AK8: variants seen among roughly 807,000 people sequenced by gnomAD.
AK8 encodes adenylate kinase 8, also known as ATP-AMP transphosphorylase 8.
Under a neutral mutation model 54.6 loss-of-function variants are expected in AK8, and 44 were observed. The observed-to-expected ratio is 0.81, with a 90% CI of 0.63 to 1.04. AK8 has a LOEUF of 1.04. AK8 is among the 50% of genes least tolerant of loss of function. The probability of loss-of-function intolerance (pLI) is 0.00; values close to 1 mark genes in which losing one functional copy is unlikely to be tolerated. For synonymous variants in AK8, 239 were observed against 245.6 expected, an observed-to-expected ratio of 0.97 and a Z score of 0.25; for missense variants, 555 against 613.6, an observed-to-expected ratio of 0.90 and a Z score of 1.01.
In AK8 at chr9:132,828,661, G is replaced by A. The variant is rs759380206; in HGVS notation, c.468C>T (p.Ile156=). ...EQALRIQTLG[I]TPRHVIVLSA... is the part of the protein sequence containing the mutation. ...GCTACTCACTGACGTGTCTGGGTGT[G>A]ATCCCCAGGGTCTGGATCCTCAGAG... The change falls in exon 6 of 13, where the codon ATC becomes ATT. Residue 156 remains isoleucine, a synonymous_variant. Coordinates refer to ENST00000298545, the MANE Select transcript of AK8 (RefSeq NM_152572.3). 6.2e-7 allele frequency: 1 copy of A among 1,612,232 alleles called. No homozygotes were observed. Among genetic ancestry groups the A allele is most frequent in the South Asian group, 1.1e-5 (1 of 90,402 alleles).
intron 10 of AK8, among the ~76,000 whole-genome samples, chr9:132,810,185 T>C (rs1001928720): frequency 8.5e-5 from 13 of 152,228 alleles, no homozygotes; most frequent in Non-Finnish European, 1.5e-4. Flanking sequence ...GGAGATATGA[T>C]ATTGGTTGTT....
chr9:132,758,966 G>A (rs1304479969), intron 11 of AK8, among the ~76,000 whole-genome samples: 3 of 152,030 alleles, frequency 2.0e-5, no homozygotes, highest in Non-Finnish European at 4.4e-5. Flanking sequence ...GGGAGGCTGA[G>A]GTGGGAGGAT....
intron 1 of AK8, among the ~76,000 whole-genome samples, chr9:132,875,849 A>G (rs1325783713): frequency 6.6e-6 from 1 of 152,242 alleles, no homozygotes; most frequent in Non-Finnish European, 1.5e-5. Flanking sequence ...TTGCTGGGGA[A>G]CATGACCGTC....
chr9:132,861,626 G>A (rs2131405676), intron 4 of AK8: 1 of 152,346 alleles, frequency 6.6e-6, no homozygotes, highest in African/African-American at 2.4e-5. Context: ...GGTTAACAGT[G>A]GCAACGTAAG....
At chr9:132,800,306 G>A (rs1029835423) in intron 10 of AK8, among the ~76,000 whole-genome samples, 4 of 152,292 alleles carry the variant, frequency 2.6e-5, no homozygotes, top group South Asian at 2.1e-4. Context: ...TGGTGATGCC[G>A]TTTGTTTGTT....
rs117865285 is a variant in AK8, at chr9:132,770,825, G to A, written c.1121+21809C>T. On this transcript the variant is annotated intron_variant, in intron 11 of 12. Coordinates refer to ENST00000298545, the MANE Select transcript of AK8 (RefSeq NM_152572.3). The surrounding 1 kb of genome is among the most constrained non-coding windows in gnomAD (Gnocchi z 4.3). ...CTCTGGAAGCAGCTGCTGAGTGCAC[G>A]GCAGACCCCCTGGCATGGGGTTACA... Among the ~76,000 whole-genome samples the A allele has an allele frequency of 2.6e-5, 4 of 152,282 alleles. No individual in the cohort carries two copies. The highest frequency in any genetic ancestry group is 1.9e-4 in the East Asian group (1 of 5,164).
chr9:132,867,693 G>T (rs1235173879), intron 2 of AK8, among the ~76,000 whole-genome samples: 4 of 152,242 alleles, frequency 2.6e-5, no homozygotes, highest in African/African-American at 7.2e-5. Flanking sequence ...TTCTGGGGTG[G>T]GAGCCAGGGC....
At chr9:132,878,877 C>T (rs1053269812), upstream of AK8, 7 of 698,648 alleles carry the variant, frequency 1.0e-5, no homozygotes, top group South Asian at 3.9e-4. This position sits in a 1 kb window ranked among gnomAD's most constrained non-coding sequence, Gnocchi z 4.7. Context: ...CGCCCCTTCT[C>T]GCCCGACGTC....
chr9:132,747,245 A>G (rs1590188643), intron 11 of AK8, among the ~76,000 whole-genome samples: 1 of 151,888 alleles, frequency 6.6e-6, no homozygotes. Context: ...GGTTCAAGCG[A>G]TTCTCCTGCC....
chr9:132,840,631 G>A (rs1364293315), intron 5 of AK8, among the ~76,000 whole-genome samples: 1 of 152,200 alleles, frequency 6.6e-6, no homozygotes, highest in Non-Finnish European at 1.5e-5. Flanking sequence ...AGTGGCTCAT[G>A]CCTGTAATCC....
chr9:132,862,189 C>T (rs1334497383), intron 4 of AK8, among the ~76,000 whole-genome samples: 2 of 152,194 alleles, frequency 1.3e-5, no homozygotes, highest in Non-Finnish European at 2.9e-5. Flanking sequence ...CCAACTCCTG[C>T]AAGACTGCAG....
intron 11 of AK8, among the ~76,000 whole-genome samples, chr9:132,746,979 A>G (rs1180243686): frequency 2.6e-5 from 4 of 152,266 alleles, no homozygotes; most frequent in Admixed American, 6.5e-5. Flanking sequence ...CAACTGCCTT[A>G]AATATTTTAC....
chr9:132,758,145 G>A (rs1229878809), intron 11 of AK8, among the ~76,000 whole-genome samples: 1 of 152,222 alleles, frequency 6.6e-6, no homozygotes, highest in Non-Finnish European at 1.5e-5. Flanking sequence ...AGAATTATGA[G>A]CTCTTGGGCA....
rs200936362 is a variant in AK8 at position 132,827,023 on chromosome 9, G to A, written c.588C>T (p.Pro196=). ...EIYHTTFDWP[P]ESEIQNRLMV... is the part of the protein sequence containing the mutation. Reference sequence around the variant, plus strand: ...TGAGACGGTTCTGGATTTCAGATTCGGGTGGCCAGTCAAAGGTGGTGTGAT... The same window carrying A: ...TGAGACGGTTCTGGATTTCAGATTCAGGTGGCCAGTCAAAGGTGGTGTGAT... Residue 196 remains proline, a synonymous_variant, in exon 8 of 13, where the codon CCC becomes CCT. Transcript: ENST00000298545. The A allele has an allele frequency of 3.4e-5, 55 of 1,614,214 alleles. No individual in the cohort carries two copies. In the Middle Eastern group the frequency reaches 8.3e-4, roughly 24 times the overall value.
At position 132,826,039 on chromosome 9, in the gene AK8, G is replaced by A. The variant is rs1046174261; in HGVS notation, c.757+815C>T. 1.3e-5 allele frequency among the ~76,000 whole-genome samples: 2 copies of A among 152,218 alleles called. No individual in the cohort carries two copies. Among genetic ancestry groups the A allele is most frequent in the Non-Finnish European group, 2.9e-5 (2 of 68,044 alleles). On this transcript the variant is annotated intron_variant, in intron 8 of 12. Transcript: ENST00000298545. The surrounding 1 kb of genome is among the most constrained non-coding windows in gnomAD (Gnocchi z 4.5). ...TTGCCCTTGCCTTTTTGGGCAGGGTGTTGAACAATGATAGGAGCTATGACG... is the reference window on the plus strand; with the variant it reads ...TTGCCCTTGCCTTTTTGGGCAGGGTATTGAACAATGATAGGAGCTATGACG...
At chr9:132,861,342 T>C (rs1454476962) in intron 4 of AK8, 22 of 152,166 alleles carry the variant, frequency 1.4e-4, no homozygotes, top group Non-Finnish European at 8.8e-5. Context: ...TAGGACTTAG[T>C]AGGTGCTCAG....
chr9:132,859,590 T>C (rs906211771), intron 4 of AK8, among the ~76,000 whole-genome samples: 2 of 151,512 alleles, frequency 1.3e-5, no homozygotes, highest in African/African-American at 4.8e-5. Flanking sequence ...CTCAGTGGCC[T>C]TCCCCCTCTC....
At chr9:132,733,520 G>A (rs1378276157) in intron 11 of AK8, among the ~76,000 whole-genome samples, 1 of 152,252 alleles carries the variant, frequency 6.6e-6, no homozygotes, top group Non-Finnish European at 1.5e-5. Context: ...CAAGGGAATG[G>A]CTTGTGAAAG....
At chr9:132,802,425 G>T in intron 10 of AK8, among the ~76,000 whole-genome samples, 1 of 152,178 alleles carries the variant, frequency 6.6e-6, no homozygotes, top group East Asian at 1.9e-4. Context: ...GGGTGTCTGT[G>T]GTGAAGTCAT....
Sources: allele counts gnomAD v4.1 joint callset (sites outside exome capture counted in the v4.1 genomes callset), GRCh38; gene constraint gnomAD v4.1.1; non-coding constraint Gnocchi (gnomAD v3.1); transcripts MANE v1.5; gene names NCBI Gene and HGNC (gene_info 2026-07-23, HGNC 2026-07-21).